TMEM178B: variants seen among roughly 807,000 people sequenced by gnomAD.
TMEM178B encodes transmembrane protein 178B.
A neutral mutation model predicts 31.0 loss-of-function variants in TMEM178B; 5 were observed. The ratio of observed to expected loss-of-function variants is 0.16; its 90% confidence interval spans 0.08 to 0.34. TMEM178B has a LOEUF of 0.34. Among genes scored for constraint, TMEM178B ranks in the 10% least tolerant of loss-of-function variants. TMEM178B has a pLI of 1.00. For synonymous variants in TMEM178B, 164 were observed against 164.0 expected, an observed-to-expected ratio of 1.00 and a Z score of 0.00; for missense variants, 275 against 400.3, an observed-to-expected ratio of 0.69 and a Z score of 2.67.
chr7:141,196,224 T>G (rs1457792029), intron 1 of TMEM178B, among the ~76,000 whole-genome samples: 1 of 152,232 alleles, frequency 6.6e-6, no homozygotes, highest in African/African-American at 2.4e-5. Context: ...TGACCACCTT[T>G]TACTTTTCCA....
intron 1 of TMEM178B, among the ~76,000 whole-genome samples, chr7:141,082,781 T>A (rs1473989182): frequency 3.3e-5 from 5 of 152,322 alleles, no homozygotes; most frequent in Admixed American, 6.5e-5. Flanking sequence ...CCCAAGTTCA[T>A]TGTCATGTGC....
At chr7:141,437,364 A>ATTGTGATGACC (rs1801565361) in intron 2 of TMEM178B, among the ~76,000 whole-genome samples, 1 of 152,250 alleles carries the variant, frequency 6.6e-6, no homozygotes, top group African/African-American at 2.4e-5. Context: ...TGGCCACGAT[A>ATTGTGATGACC]TTGTGATGAT....
At chr7:141,373,156 A>T (rs1400818598) in intron 2 of TMEM178B, among the ~76,000 whole-genome samples, 1 of 152,172 alleles carries the variant, frequency 6.6e-6, no homozygotes, top group Non-Finnish European at 1.5e-5. Flanking sequence ...TGCATATGAA[A>T]TACCTCTTGC....
At chr7:141,391,949 T>C (rs1456627378) in intron 2 of TMEM178B, among the ~76,000 whole-genome samples, 1 of 152,244 alleles carries the variant, frequency 6.6e-6, no homozygotes, top group African/African-American at 2.4e-5. Flanking sequence ...CATCAGTTGC[T>C]TCCACCTTTT....
At chr7:141,505,540 T>C in the TMEM178B span, among the ~76,000 whole-genome samples, 4 of 152,210 alleles carry the variant, frequency 2.6e-5, no homozygotes, top group Admixed American at 6.5e-5. Context: ...TCTTCAGATT[T>C]GTCTCATCCT....
intron 1 of TMEM178B, among the ~76,000 whole-genome samples, chr7:141,100,688 A>G (rs536492170): frequency 3.3e-4 from 50 of 152,346 alleles, no homozygotes; most frequent in African/African-American, 1.2e-3. Flanking sequence ...GTAGATATAA[A>G]CAAGGGCTGA....
intron 2 of TMEM178B, among the ~76,000 whole-genome samples, chr7:141,308,387 A>C (rs2116453314): frequency 6.6e-6 from 1 of 152,288 alleles, no homozygotes; most frequent in South Asian, 2.1e-4. Context: ...ATTTTTTAAA[A>C]GCAGAACCAT....
intron 2 of TMEM178B, among the ~76,000 whole-genome samples, chr7:141,391,919 C>A (rs1307139310): frequency 6.6e-6 from 1 of 152,198 alleles, no homozygotes; most frequent in African/African-American, 2.4e-5. Context: ...TTTGTTTATC[C>A]ATTCATCCGT....
chr7:141,480,071 T>C lies in TMEM178B; in HGVS notation c.*9285T>C, dbSNP rs1802446044. ...CGATTCAAACCAGATCTTGAAACTA[T>C]TGTGATGTTCTGAGAGGTAAATTTA... On this transcript the variant is annotated 3_prime_UTR_variant, in exon 4 of 4. Transcript: ENST00000565468. The C allele has an allele frequency of 6.6e-6, 1 of 152,120 alleles. No individual in the cohort carries two copies. Among genetic ancestry groups the C allele is most frequent in the Non-Finnish European group, 1.5e-5 (1 of 68,026 alleles). The allele number at this position is 152,120 out of a possible 1,614,324, so 9.4% of individuals were successfully genotyped here.
intron 2 of TMEM178B, among the ~76,000 whole-genome samples, chr7:141,309,288 A>G (rs1409340003): frequency 1.3e-5 from 2 of 152,166 alleles, no homozygotes; most frequent in African/African-American, 2.4e-5. Flanking sequence ...AAATTGCTTT[A>G]TATATTGTCT....
chr7:141,266,810 A>G (rs910316041), intron 2 of TMEM178B, among the ~76,000 whole-genome samples: 14 of 152,238 alleles, frequency 9.2e-5, no homozygotes, highest in Non-Finnish European at 2.1e-4. Context: ...TGTTACTCAC[A>G]TGGGAAACTT....
At chr7:141,299,490 T>A (rs71545309) in intron 2 of TMEM178B, among the ~76,000 whole-genome samples, 191 of 152,302 alleles carry the variant, frequency 1.3e-3, no homozygotes, top group Non-Finnish European at 2.1e-3. Flanking sequence ...ACCTTCCAGA[T>A]CCATAGCCTT....
intron 2 of TMEM178B, among the ~76,000 whole-genome samples, chr7:141,228,614 C>A (rs376156579): frequency 6.6e-6 from 1 of 152,162 alleles, no homozygotes; most frequent in Non-Finnish European, 1.5e-5. Flanking sequence ...CCCTCCATAT[C>A]GGCTGTCAGG....
intron 2 of TMEM178B, among the ~76,000 whole-genome samples, chr7:141,264,080 T>C (rs1257500636): frequency 2.0e-5 from 3 of 152,214 alleles, no homozygotes; most frequent in Non-Finnish European, 2.9e-5. Flanking sequence ...CACCTGAGCC[T>C]AGGCATTCAG....
At chr7:141,200,390 G>T (rs1554461264) in intron 1 of TMEM178B, among the ~76,000 whole-genome samples, 2 of 151,942 alleles carry the variant, frequency 1.3e-5, no homozygotes, top group Admixed American at 6.6e-5. Flanking sequence ...CTGAGAGGTG[G>T]TTTTTTTAGT....
intron 1 of TMEM178B, among the ~76,000 whole-genome samples, chr7:141,195,374 C>G (rs1586819873): frequency 1.3e-5 from 2 of 152,334 alleles, no homozygotes; most frequent in African/African-American, 4.8e-5. Flanking sequence ...TTATCTTTCT[C>G]AAGTTCAAAG....
intron 2 of TMEM178B, among the ~76,000 whole-genome samples, chr7:141,356,828 T>A (rs1240430277): frequency 1.3e-5 from 2 of 151,988 alleles, no homozygotes; most frequent in Admixed American, 1.3e-4. Flanking sequence ...ATACCATCCC[T>A]CCTTCCAACA....
At chr7:141,118,581 G>C (rs878862471) in intron 1 of TMEM178B, among the ~76,000 whole-genome samples, 17 of 152,208 alleles carry the variant, frequency 1.1e-4, no homozygotes, top group African/African-American at 4.1e-4. Context: ...TGTGACCCCA[G>C]GGGGGAAGCT....
intron 1 of TMEM178B, among the ~76,000 whole-genome samples, chr7:141,184,781 GT>G (rs1796582357): frequency 6.6e-6 from 1 of 152,188 alleles, no homozygotes; most frequent in Admixed American, 6.5e-5. Context: ...CTTGGACCAA[GT>G]TTACACGCAG....
Sources: gnomAD v4.1 joint callset for allele counts (sites outside exome capture counted in the v4.1 genomes callset) on GRCh38, gnomAD v4.1.1 for gene constraint, MANE v1.5 for transcripts, NCBI Gene and HGNC (gene_info 2026-07-23, HGNC 2026-07-21) for gene names.